The following IFT20 variants were observed in gnomAD, a reference collection of about 807,000 sequenced individuals.
The protein encoded by IFT20 is intraflagellar transport protein 20 homolog.
Under a neutral mutation model 16.9 loss-of-function variants are expected in IFT20, and 4 were observed. That is an observed-to-expected ratio of 0.24 (90% CI 0.12 to 0.54). IFT20 has a LOEUF of 0.54. Ranked by LOEUF, IFT20 falls within the 20% of genes least tolerant of loss-of-function variation. The pLI, the probability that IFT20 is intolerant of heterozygous loss-of-function variation, is 0.95. For missense variants in IFT20, 154 were observed against 149.7 expected (o/e 1.03, Z -0.15); for synonymous variants, 48 against 49.9 (o/e 0.96, Z 0.16).
Position 28,328,724 on chromosome 17 carries a change from A to T in IFT20, c.327T>A (p.Val109=). The change falls in exon 5 of 5, where the codon GTT becomes GTA. Residue 109 remains valine (V), a synonymous_variant. Transcript: ENST00000395418. ...EKKMQLERYR[V]EYEALCKVEA... Reference sequence around the variant, plus strand: ...CTACTTTACACAAAGCTTCATATTCAACCCGATACCTGAAAAACAAAATTG... The same window carrying T: ...CTACTTTACACAAAGCTTCATATTCTACCCGATACCTGAAAAACAAAATTG... The T allele has an allele frequency of 6.3e-7, 1 of 1,596,418 alleles. No homozygotes were observed. Among genetic ancestry groups the T allele is most frequent in the Non-Finnish European group, 8.5e-7 (1 of 1,170,908 alleles).
At position 28,328,674 on chromosome 17, in the gene IFT20, T is replaced by C; in HGVS notation, c.377A>G (p.Asp126Gly). The C allele has an allele frequency of 6.2e-7, 1 of 1,604,640 alleles. No individual in the cohort carries two copies. The highest frequency in any genetic ancestry group is 8.5e-7 in the Non-Finnish European group (1 of 1,176,148). The change falls in exon 5 of 5, where the codon GAC becomes GGC. Residue 126 changes from aspartate (D) to glycine (G), a missense_variant. Coordinates refer to ENST00000395418, the MANE Select transcript of IFT20 (RefSeq NM_001267776.2). Reference protein sequence around the residue: ...KVEAEQNEFIDQFIFQK With the variant: ...KVEAEQNEFIGQFIFQK ...AGTTCATTTCTGAAAAATAAATTGG[T>C]CAATAAATTCATTTTGTTCTGCTTC...
chr17:28,330,001 A>C, intron 3 of IFT20: 1 of 436,898 alleles, frequency 2.3e-6, no homozygotes, highest in Non-Finnish European at 4.0e-6. Context: ...CGGAGGTTGC[A>C]GTGAGCCAAG....
chr17:28,330,119 C>A, intron 3 of IFT20: 1 of 608,626 alleles, frequency 1.6e-6, no homozygotes, highest in South Asian at 2.0e-5. Context: ...ACCTGTAGTC[C>A]CACCTACTCG....
chr17:28,335,201 G>C (rs1322314549), intron 1 of IFT20, 139 bp downstream of exon 1: 1 of 152,250 alleles, frequency 6.6e-6, no homozygotes, highest in Non-Finnish European at 1.5e-5. Flanking sequence ...CCTAAGCTGG[G>C]TGTGAAAGCG....
chr17:28,330,003 T>C (rs1216589877), intron 3 of IFT20: 12 of 433,360 alleles, frequency 2.8e-5, no homozygotes, highest in African/African-American at 2.6e-4. Context: ...GAGGTTGCAG[T>C]GAGCCAAGAT....
At chr17:28,329,334 C>G in intron 3 of IFT20, 58 bp from the exon 4 acceptor site, 1 of 1,362,042 alleles carries the variant, frequency 7.3e-7, no homozygotes, top group Admixed American at 1.8e-5. Flanking sequence ...GCATCAAGTC[C>G]TCAAAGTGGG....
Position 28,330,438 on chromosome 17 carries a change from C to A in IFT20, c.213+5G>T, listed in dbSNP as rs1555576362. 6.2e-7 allele frequency: 1 copy of A among 1,602,706 alleles called. No individual in the cohort carries two copies. Among genetic ancestry groups the A allele is most frequent in the Admixed American group, 1.7e-5 (1 of 59,990 alleles). The stretch of plus-strand genomic sequence containing the variant: ...AGATGTAGGCGGAAGACATGCTGAT[C>A]TTACCTTCATCTTTTCATTTTCTGC... On this transcript the variant is annotated splice_donor_5th_base_variant and intron_variant, in intron 3 of 4. Coordinates refer to ENST00000395418, the MANE Select transcript of IFT20 (RefSeq NM_001267776.2).
At chr17:28,333,686 T>A (rs1276594493) in intron 1 of IFT20, among the ~76,000 whole-genome samples, 3 of 152,176 alleles carry the variant, frequency 2.0e-5, no homozygotes, top group African/African-American at 7.2e-5. Context: ...ATCCCAGCAC[T>A]TTGGGAGACT....
intron 2 of IFT20, 151 bp downstream of exon 2, chr17:28,331,708 G>A: frequency 1.1e-6 from 1 of 902,610 alleles, no homozygotes; most frequent in South Asian, 1.5e-5. Flanking sequence ...CAAGAGGGCA[G>A]ACAGAAAAGG....
At chr17:28,328,967 C>T in intron 4 of IFT20, 1 of 616,632 alleles carries the variant, frequency 1.6e-6, no homozygotes, top group Non-Finnish European at 2.9e-6. Context: ...GCTCAAACTA[C>T]TAGAGGTGGT....
At position 28,329,226 on chromosome 17, in the gene IFT20, A is replaced by C; in HGVS notation, c.264T>G (p.Ala88=). ...TTAGGGCTTGAAGTTGCTGCTGTTG[A>C]GCTTCTCTCTGCTTTGCTATAGATT... ...LLKSIAKQRE[A]QQQQLQALIA... Residue 88 remains alanine, a synonymous_variant, in exon 4 of 5, where the codon GCT becomes GCG. Transcript: ENST00000395418. 1.2e-6 allele frequency: 2 copies of C among 1,614,134 alleles called. No individual in the cohort carries two copies. Among genetic ancestry groups the C allele is most frequent in the Non-Finnish European group, 1.7e-6 (2 of 1,180,022 alleles).
intron 1 of IFT20, among the ~76,000 whole-genome samples, chr17:28,333,454 C>T (rs7221462): frequency 0.98 from 149,523 of 152,358 alleles, 73,384 homozygotes; most frequent in East Asian, 1. Flanking sequence ...GGTATGTAAT[C>T]CAAAAATTTT....
chr17:28,332,602 C>T (rs1555576764), intron 1 of IFT20: 1 of 154,384 alleles, frequency 6.5e-6, no homozygotes, highest in African/African-American at 2.4e-5. Context: ...AACACAAAAA[C>T]CAAATAAAGG....
At position 28,329,296 on chromosome 17, in the gene IFT20, G is replaced by A; in HGVS notation, c.214-20C>T. ...GATGGCCTACAGTATTGCCAGAGAA[G>A]GCCATGGCTTCATTAAAACCATCTA... On this transcript the variant is annotated intron_variant, in intron 3 of 4. Coordinates refer to ENST00000395418, the MANE Select transcript of IFT20 (RefSeq NM_001267776.2). 1 of 1,593,118 alleles carries A rather than the reference G, an allele frequency of 6.3e-7. No homozygotes were observed. The highest frequency in any genetic ancestry group is 8.6e-7 in the Non-Finnish European group (1 of 1,163,114).
At chr17:28,329,046 G>A in intron 4 of IFT20, 127 bp downstream of exon 4, 1 of 701,878 alleles carries the variant, frequency 1.4e-6, no homozygotes, top group Non-Finnish European at 2.4e-6. Flanking sequence ...CTTCAAATCA[G>A]GATGACAAGT....
chr17:28,331,078 C>T (rs1555576503), intron 2 of IFT20, among the ~76,000 whole-genome samples: 1 of 152,214 alleles, frequency 6.6e-6, no homozygotes, highest in Admixed American at 6.5e-5. Flanking sequence ...ACAGGTATGA[C>T]ACCAGATTTC....
At chr17:28,334,505 G>C (rs1307731601) in intron 1 of IFT20, among the ~76,000 whole-genome samples, 3 of 152,248 alleles carry the variant, frequency 2.0e-5, no homozygotes, top group Non-Finnish European at 4.4e-5. Flanking sequence ...TATCAGAAGG[G>C]TAATGGGACA....
chr17:28,329,522 A>T (rs1420645836), intron 3 of IFT20: 3 of 450,580 alleles, frequency 6.7e-6, no homozygotes, highest in Non-Finnish European at 1.2e-5. Context: ...GCACAATAGC[A>T]CATTTGGTGG....
At chr17:28,331,803 G>A in intron 2 of IFT20, 56 bp downstream of exon 2, 2 of 1,608,830 alleles carry the variant, frequency 1.2e-6, no homozygotes, top group Non-Finnish European at 1.7e-6. Context: ...TGAGCCTGGG[G>A]TACAGTTGAA....
Sources: allele counts gnomAD v4.1 joint callset (sites outside exome capture counted in the v4.1 genomes callset), GRCh38; gene constraint gnomAD v4.1.1; transcripts MANE v1.5; gene names NCBI Gene and HGNC (gene_info 2026-07-23, HGNC 2026-07-21).